WDFY2: variants seen among roughly 807,000 people sequenced by gnomAD.
WDFY2 encodes the protein WD repeat and FYVE domain-containing protein 2.
WDFY2 carries 36 observed loss-of-function variants against 56.4 expected under a neutral mutation model. That is an observed-to-expected ratio of 0.64 (90% CI 0.49 to 0.84). WDFY2 has a LOEUF of 0.84. Ranked by LOEUF, WDFY2 falls within the 40% of genes least tolerant of loss-of-function variation. WDFY2 has a pLI of 0.00. For synonymous variants in WDFY2, 176 were observed against 183.7 expected (o/e 0.96, Z 0.34); for missense variants, 444 against 512.2 (o/e 0.87, Z 1.29).
chr13:51,697,447 A>G (rs892059732), intron 3 of WDFY2, among the ~76,000 whole-genome samples: 3 of 152,102 alleles, frequency 2.0e-5, no homozygotes, highest in Non-Finnish European at 2.9e-5. Context: ...AGCCTGGGTA[A>G]CGTGGTAAAA....
chr13:51,627,879 T>C (rs1467539226), intron 1 of WDFY2, among the ~76,000 whole-genome samples: 1 of 152,150 alleles, frequency 6.6e-6, no homozygotes, highest in East Asian at 1.9e-4. Context: ...GTAGCTCCTC[T>C]CCACAGGCAG....
At chr13:51,585,136 G>T (rs1433561373) in intron 1 of WDFY2, among the ~76,000 whole-genome samples, 1 of 152,226 alleles carries the variant, frequency 6.6e-6, no homozygotes, top group Non-Finnish European at 1.5e-5. Flanking sequence ...GGACAGGAGG[G>T]AAAGAGGGGA....
At chr13:51,626,544 G>A (rs1357963978) in intron 1 of WDFY2, among the ~76,000 whole-genome samples, 2 of 152,130 alleles carry the variant, frequency 1.3e-5, no homozygotes, top group African/African-American at 4.8e-5. Flanking sequence ...ATGATTAACA[G>A]GTATTTATAG....
At chr13:51,655,516 C>T (rs755221487) in intron 1 of WDFY2, among the ~76,000 whole-genome samples, 1 of 151,562 alleles carries the variant, frequency 6.6e-6, no homozygotes, top group African/African-American at 2.4e-5. Context: ...ATTGAACTAC[C>T]CTTGCATTCC....
At chr13:51,628,702 A>G (rs1319974329) in intron 1 of WDFY2, among the ~76,000 whole-genome samples, 1 of 152,166 alleles carries the variant, frequency 6.6e-6, no homozygotes, top group African/African-American at 2.4e-5. Context: ...GAGCTAATAG[A>G]GCCCTTGATG....
chr13:51,697,286 G>T (rs1951895155), intron 3 of WDFY2, among the ~76,000 whole-genome samples: 1 of 152,008 alleles, frequency 6.6e-6, no homozygotes, highest in Non-Finnish European at 1.5e-5. Flanking sequence ...TATACACAAA[G>T]ATTATTCATA....
In WDFY2 at chr13:51,710,606, A is replaced by C. The variant is rs9596565; in HGVS notation, c.334+6956A>C. 6.3e-3 allele frequency among the ~76,000 whole-genome samples: 965 copies of C among 152,260 alleles called. 4 individuals carry two copies. The highest frequency in any genetic ancestry group is 0.022 in the African/African-American group (898 of 41,546). ...TCAGCAAAGTCTCAGGATACAAAAT[A>C]AATGTGCAAAAATCACAAGCATTCC... On this transcript the variant is annotated intron_variant, in intron 4 of 11. Coordinates refer to ENST00000298125, the MANE Select transcript of WDFY2 (RefSeq NM_052950.4).
intron 1 of WDFY2, among the ~76,000 whole-genome samples, chr13:51,601,744 C>T (rs1954287479): frequency 6.6e-6 from 1 of 152,148 alleles, no homozygotes; most frequent in Admixed American, 6.5e-5. Context: ...TGGGGAAGGG[C>T]ACCCTGATTC....
intron 1 of WDFY2, among the ~76,000 whole-genome samples, chr13:51,658,056 A>C (rs1955542850): frequency 6.6e-6 from 1 of 152,016 alleles, no homozygotes; most frequent in Non-Finnish European, 1.5e-5. Flanking sequence ...AATTTTTGTT[A>C]AGAACTGGAC....
chr13:51,646,664 A>G (rs1955268700), intron 1 of WDFY2, among the ~76,000 whole-genome samples: 1 of 152,362 alleles, frequency 6.6e-6, no homozygotes, highest in Middle Eastern at 3.4e-3. Context: ...AATGTATATA[A>G]GTGCACTTGT....
At chr13:51,743,790 C>T (rs564578130) in intron 7 of WDFY2, among the ~76,000 whole-genome samples, 17 of 152,294 alleles carry the variant, frequency 1.1e-4, no homozygotes, top group Middle Eastern at 3.4e-3. Flanking sequence ...AGTGGGAGGC[C>T]TCAGTGCGGG....
rs149722182 is a variant in WDFY2, at chr13:51,663,168, C to A, written c.205+2505C>A. ...TCCAAAGAAAAAAAATGAAACAAAC[C>A]CAAACCGTAGATAATTTGAAGATAC... On this transcript the variant is annotated intron_variant, in intron 2 of 11. Coordinates refer to ENST00000298125, the MANE Select transcript of WDFY2 (RefSeq NM_052950.4). 2.8e-3 allele frequency among the ~76,000 whole-genome samples: 423 copies of A among 152,208 alleles called. 1 individual carries two copies. Among genetic ancestry groups the A allele is most frequent in the African/African-American group, 9.8e-3 (407 of 41,532 alleles).
chr13:51,724,338 A>G (rs1003368622), intron 5 of WDFY2, among the ~76,000 whole-genome samples: 2 of 150,262 alleles, frequency 1.3e-5, no homozygotes, highest in African/African-American at 4.9e-5. Context: ...CCTGGATTCA[A>G]GCGATTCTCC....
chr13:51,673,101 A>T (rs926673306), intron 2 of WDFY2, among the ~76,000 whole-genome samples: 12 of 152,362 alleles, frequency 7.9e-5, no homozygotes, highest in African/African-American at 2.9e-4. Context: ...ATTGTAGGAC[A>T]TGCCTTGAAC....
At chr13:51,663,007 C>T (rs183840030) in intron 2 of WDFY2, among the ~76,000 whole-genome samples, 2 of 152,120 alleles carry the variant, frequency 1.3e-5, no homozygotes, top group East Asian at 3.9e-4. Flanking sequence ...TAACAAAATC[C>T]CTAGATAGGC....
At chr13:51,614,614 A>G (rs943392599) in intron 1 of WDFY2, among the ~76,000 whole-genome samples, 1 of 152,150 alleles carries the variant, frequency 6.6e-6, no homozygotes, top group Non-Finnish European at 1.5e-5. Context: ...AGAAGGGCAG[A>G]TGGCAAAAGG....
intron 4 of WDFY2, among the ~76,000 whole-genome samples, chr13:51,713,626 A>C (rs1952274912): frequency 6.6e-6 from 1 of 152,180 alleles, no homozygotes; most frequent in Non-Finnish European, 1.5e-5. Flanking sequence ...TAATCCCGGC[A>C]CTTCAGGAGG....
chr13:51,745,973 C>CTTTTTTTTTTTTTTTTTTTTTT (rs59572351), intron 7 of WDFY2, among the ~76,000 whole-genome samples: 1 of 100,736 alleles, frequency 9.9e-6, no homozygotes, highest in African/African-American at 3.9e-5. Context: ...TTTTCTTTTT[C>CTTTTTTTTTTTTTTTTTTTTTT]TTTTTTTTTT....
intron 1 of WDFY2, among the ~76,000 whole-genome samples, chr13:51,639,400 CT>C (rs1323456314): frequency 1.3e-5 from 2 of 152,068 alleles, no homozygotes; most frequent in Non-Finnish European, 2.9e-5. Context: ...TAACATGAGA[CT>C]TTTTTCAGCC....
Sources: gnomAD v4.1 joint callset for allele counts (sites outside exome capture counted in the v4.1 genomes callset) on GRCh38, gnomAD v4.1.1 for gene constraint, MANE v1.5 for transcripts, NCBI Gene and HGNC (gene_info 2026-07-23, HGNC 2026-07-21) for gene names.